The following MTUS2 variants were observed in gnomAD, a reference collection of about 807,000 sequenced individuals.
MTUS2 encodes the protein microtubule-associated tumor suppressor candidate 2.
A neutral mutation model predicts 114.1 loss-of-function variants in MTUS2; 40 were observed. That is an observed-to-expected ratio of 0.35 (90% CI 0.27 to 0.46). The LOEUF is 0.46. MTUS2 is among the 20% of genes least tolerant of loss of function. MTUS2 has a pLI of 1.00. For missense variants in MTUS2, 1,679 were observed against 1,705.4 expected (o/e 0.98, Z 0.27); for synonymous variants, 688 against 672.0 (o/e 1.02, Z -0.37).
At chr13:29,013,034 A>G (rs971807898) in intron 2 of MTUS2, among the ~76,000 whole-genome samples, 4 of 152,148 alleles carry the variant, frequency 2.6e-5, no homozygotes, top group African/African-American at 9.7e-5. Context: ...TTTTAAAAGC[A>G]CTGTTGCCTA....
In MTUS2 at chr13:29,487,915, G is replaced by A. The variant is rs372511573; in HGVS notation, c.3415G>A (p.Ala1139Thr). 3.7e-5 allele frequency: 59 copies of A among 1,613,816 alleles called. No homozygotes were observed. The highest frequency in any genetic ancestry group is 2.0e-4 in the East Asian group (9 of 44,884). ...QHQEQVEDLTASHDAALLEME... is the reference protein window; with the variant it reads ...QHQEQVEDLTTSHDAALLEME... ...TCTCCTCCAGGTGGAAGATCTCACC[G>A]CCAGCCATGATGCTGCTCTCCTAGA... Residue 1139 changes from alanine (A) to threonine (T), a missense_variant, in exon 11 of 16, where the codon GCC (alanine) becomes ACC (threonine). Physicochemically the swap from Ala to Thr is moderately conservative, Grantham distance 58 (BLOSUM62 0). Coordinates refer to ENST00000612955, the MANE Select transcript of MTUS2 (RefSeq NM_001033602.4).
intron 5 of MTUS2, among the ~76,000 whole-genome samples, chr13:29,203,739 C>T (rs934697376): frequency 1.2e-4 from 18 of 151,674 alleles, no homozygotes; most frequent in African/African-American, 2.9e-4. Context: ...CTGTTACTCA[C>T]GGTACAGTCC....
chr13:28,937,205 C>T (rs1881948483), intron 2 of MTUS2, among the ~76,000 whole-genome samples: 1 of 151,886 alleles, frequency 6.6e-6, no homozygotes, highest in South Asian at 2.1e-4. Flanking sequence ...CACTCTGTAG[C>T]TAGGATTGTA....
intron 1 of MTUS2, among the ~76,000 whole-genome samples, chr13:28,836,369 A>G (rs1875086395): frequency 6.6e-6 from 1 of 152,190 alleles, no homozygotes; most frequent in Non-Finnish European, 1.5e-5. Context: ...GCTTTCAGAG[A>G]CACAGCATGG....
At chr13:28,998,678 C>T (rs893405834) in intron 2 of MTUS2, among the ~76,000 whole-genome samples, 2 of 152,166 alleles carry the variant, frequency 1.3e-5, no homozygotes, top group African/African-American at 2.4e-5. Flanking sequence ...TCCAGTTGAT[C>T]GCATCGGTTA....
intron 9 of MTUS2, among the ~76,000 whole-genome samples, chr13:29,474,716 C>A (rs1566222398): frequency 6.6e-6 from 1 of 152,112 alleles, no homozygotes; most frequent in Non-Finnish European, 1.5e-5. Context: ...ACCTACTCAT[C>A]ATAATTTGAG....
intron 8 of MTUS2, among the ~76,000 whole-genome samples, chr13:29,432,008 C>CTTTTTTTTTT (rs1318136819): frequency 1.7e-5 from 2 of 119,142 alleles, no homozygotes; most frequent in Non-Finnish European, 1.7e-5. Context: ...CCACGCTCAG[C>CTTTTTTTTTT]TATTTTTTTT....
intron 8 of MTUS2, among the ~76,000 whole-genome samples, chr13:29,437,298 G>A (rs1186315905): frequency 6.6e-6 from 1 of 152,176 alleles, no homozygotes; most frequent in Non-Finnish European, 1.5e-5. Flanking sequence ...GGACTGATAA[G>A]CATACTATTT....
At chr13:29,323,099 A>G (rs1422809318) in intron 6 of MTUS2, among the ~76,000 whole-genome samples, 1 of 152,180 alleles carries the variant, frequency 6.6e-6, no homozygotes, top group Non-Finnish European at 1.5e-5. Context: ...AGCAAAAGCA[A>G]TTCTGTGCAT....
intron 2 of MTUS2, among the ~76,000 whole-genome samples, chr13:28,951,108 C>A (rs1001408586): frequency 6.6e-6 from 1 of 152,116 alleles, no homozygotes; most frequent in Non-Finnish European, 1.5e-5. Context: ...TACCAGGATG[C>A]AAAAGAATCA....
chr13:29,276,940 G>GA lies in MTUS2; in HGVS notation c.2645-4758dup, dbSNP rs1036799094. Among the ~76,000 whole-genome samples, 22 of 151,924 alleles carry GA rather than the reference G, an allele frequency of 1.4e-4. No homozygotes were observed. The South Asian group carries it at 1.5e-3, about 10-fold the overall frequency. ...AATAAATGAATAAATAAATAAATAAGAAAAAAGAATAATATAGGGAAATTC... is the reference window on the plus strand; with the variant it reads ...AATAAATGAATAAATAAATAAATAAGAAAAAAAGAATAATATAGGGAAATTC... On this transcript the variant is annotated intron_variant, in intron 5 of 15. Transcript: ENST00000612955.
intron 2 of MTUS2, among the ~76,000 whole-genome samples, chr13:29,020,812 C>T (rs1440385696): frequency 6.6e-6 from 1 of 150,386 alleles, no homozygotes; most frequent in African/African-American, 2.5e-5. Context: ...GGGAATGTTA[C>T]CTTCTCTGTG....
chr13:29,175,747 T>G (rs1893745044), intron 5 of MTUS2, among the ~76,000 whole-genome samples: 2 of 148,850 alleles, frequency 1.3e-5, no homozygotes, highest in African/African-American at 2.5e-5. Context: ...ATAAGCTCTG[T>G]TATTTAGAGT....
At chr13:29,022,621 C>T (rs1353670201) in intron 2 of MTUS2, among the ~76,000 whole-genome samples, 1 of 152,240 alleles carries the variant, frequency 6.6e-6, no homozygotes, top group East Asian at 1.9e-4. Flanking sequence ...TGCACGTGTG[C>T]TTGCACATTC....
At chr13:28,892,928 G>A (rs563710209) in intron 2 of MTUS2, among the ~76,000 whole-genome samples, 2 of 152,282 alleles carry the variant, frequency 1.3e-5, no homozygotes, top group South Asian at 2.1e-4. Context: ...TCTTCATGGT[G>A]GGAATGATTT....
chr13:29,172,013 C>A (rs940319811), intron 5 of MTUS2, among the ~76,000 whole-genome samples: 2 of 152,156 alleles, frequency 1.3e-5, no homozygotes, highest in African/African-American at 4.8e-5. Context: ...GGCCACATGC[C>A]CCACTAAAGT....
chr13:29,373,297 T>C (rs984698117), intron 8 of MTUS2, among the ~76,000 whole-genome samples: 2 of 152,204 alleles, frequency 1.3e-5, no homozygotes, highest in Admixed American at 6.5e-5. Flanking sequence ...TTGCAGGAGC[T>C]GTGGTCCCTG....
chr13:29,309,228 C>T (rs1326793076), intron 6 of MTUS2, among the ~76,000 whole-genome samples: 1 of 152,118 alleles, frequency 6.6e-6, no homozygotes, highest in Non-Finnish European at 1.5e-5. Flanking sequence ...CATATATATA[C>T]ACTATGGGAT....
chr13:29,237,086 TA>T (rs1896563304), intron 5 of MTUS2, among the ~76,000 whole-genome samples: 1 of 152,212 alleles, frequency 6.6e-6, no homozygotes, highest in Non-Finnish European at 1.5e-5. Flanking sequence ...AGACCATTTT[TA>T]AAATTTCCAG....
Sources: gnomAD v4.1 joint callset for allele counts (sites outside exome capture counted in the v4.1 genomes callset) on GRCh38, gnomAD v4.1.1 for gene constraint, MANE v1.5 for transcripts, NCBI Gene and HGNC (gene_info 2026-07-23, HGNC 2026-07-21) for gene names.